WWOX: variants seen among roughly 807,000 people sequenced by gnomAD.
The protein encoded by WWOX is WW domain-containing oxidoreductase.
A neutral mutation model predicts 46.2 loss-of-function variants in WWOX; 69 were observed. The ratio of observed to expected loss-of-function variants is 1.49; its 90% CI spans 1.23 to 1.82. The LOEUF is 1.82. Ranked by LOEUF, WWOX falls within the 40% of genes most tolerant of loss-of-function variation. The pLI, the probability that WWOX is intolerant of heterozygous loss-of-function variation, is 0.00. For missense variants in WWOX, 919 were observed against 542.6 expected (o/e 1.69, Z -6.89); for synonymous variants, 359 against 202.6 (o/e 1.77, Z -6.56).
At chr16:78,854,342 A>T (rs1459059764) in intron 8 of WWOX, among the ~76,000 whole-genome samples, 1 of 152,232 alleles carries the variant, frequency 6.6e-6, no homozygotes, top group Non-Finnish European at 1.5e-5. Context: ...TTGGTTCAGC[A>T]AAATGAAACC....
intron 6 of WWOX, among the ~76,000 whole-genome samples, chr16:78,394,547 A>G (rs960776219): frequency 6.6e-6 from 1 of 152,198 alleles, no homozygotes; most frequent in African/African-American, 2.4e-5. Context: ...TTAGAAAAAT[A>G]TTTCTGAAAT....
At chr16:78,990,324 C>G (rs1002598021) in intron 8 of WWOX, among the ~76,000 whole-genome samples, 1 of 152,130 alleles carries the variant, frequency 6.6e-6, no homozygotes, top group African/African-American at 2.4e-5. Flanking sequence ...AAGTCATGGG[C>G]TCTGCAAGAT....
chr16:78,431,958 C>G (rs1406813892), intron 7 of WWOX, among the ~76,000 whole-genome samples: 1 of 152,140 alleles, frequency 6.6e-6, no homozygotes, highest in Non-Finnish European at 1.5e-5. Flanking sequence ...TCAAGCAATC[C>G]TCCCGCCTCA....
At chr16:78,248,444 T>G (rs146134186) in intron 5 of WWOX, among the ~76,000 whole-genome samples, 1 of 152,104 alleles carries the variant, frequency 6.6e-6, no homozygotes, top group Non-Finnish European at 1.5e-5. Flanking sequence ...GGGATTACAT[T>G]TGGACATGAA....
intron 5 of WWOX, among the ~76,000 whole-genome samples, chr16:78,274,674 T>A (rs1016160739): frequency 6.6e-6 from 1 of 152,176 alleles, no homozygotes; most frequent in Non-Finnish European, 1.5e-5. Flanking sequence ...GTCTTCTGCA[T>A]TGGCTTCAGG....
intron 8 of WWOX, chr16:78,891,231 C>G (rs1032721270): frequency 1.3e-5 from 2 of 152,076 alleles, no homozygotes; most frequent in African/African-American, 2.4e-5. Context: ...ATTTGAATAA[C>G]AATATGTAAT....
chr16:78,243,802 C>T (rs568308273), intron 5 of WWOX, among the ~76,000 whole-genome samples: 13 of 152,344 alleles, frequency 8.5e-5, no homozygotes, highest in African/African-American at 1.2e-4. Context: ...CTGCCTCGGC[C>T]TCCCAAGGTG....
chr16:78,355,482 G>C (rs1474894596), intron 5 of WWOX: 2 of 343,008 alleles, frequency 5.8e-6, no homozygotes, highest in Non-Finnish European at 1.2e-5. Flanking sequence ...GGCACCTGTA[G>C]TCCCAGCTAC....
chr16:78,967,486 C>T (rs967217761), intron 8 of WWOX, among the ~76,000 whole-genome samples: 21 of 112,472 alleles, frequency 1.9e-4, no homozygotes, highest in Non-Finnish European at 3.6e-4. Context: ...TTTTTTCCTG[C>T]TGAGATGGGG....
chr16:78,813,314 C>T (rs78632049), intron 8 of WWOX, among the ~76,000 whole-genome samples: 1,660 of 151,562 alleles, frequency 0.011, 40 homozygotes, highest in East Asian at 0.042. Flanking sequence ...TATAAATATA[C>T]AGCCTTAAAA....
At chr16:79,016,693 G>A (rs191054725) in intron 8 of WWOX, 1 of 152,216 alleles carries the variant, frequency 6.6e-6, no homozygotes, top group South Asian at 2.1e-4. Context: ...AAAGTGCTGG[G>A]ATTACATGCA....
chr16:78,996,104 G>A (rs1034429016), intron 8 of WWOX: 20 of 653,348 alleles, frequency 3.1e-5, no homozygotes, highest in South Asian at 7.0e-5. Context: ...TCAGAACGTG[G>A]CCCCTTCCAT....
chr16:78,762,995 C>T (rs1339489420), intron 8 of WWOX, among the ~76,000 whole-genome samples: 1 of 152,130 alleles, frequency 6.6e-6, no homozygotes, highest in Non-Finnish European at 1.5e-5. Context: ...ACCAGATGAG[C>T]AATAGATCTC....
In WWOX at chr16:79,158,640, C is replaced by T. The variant is rs1291360880; in HGVS notation, c.1057-52968C>T. Among the ~76,000 whole-genome samples the T allele has an allele frequency of 2.6e-5, 4 of 152,222 alleles. No individual in the cohort carries two copies. In the East Asian group the frequency reaches 7.7e-4, roughly 29 times the overall value. On this transcript the variant is annotated intron_variant, in intron 8 of 8. Transcript: ENST00000566780. ...CCCGCCTCAGGGCCTTCACCTTCAGCCTCTCTGTCCCCACCTGCTATCCTC... is the reference window on the plus strand; with the variant it reads ...CCCGCCTCAGGGCCTTCACCTTCAGTCTCTCTGTCCCCACCTGCTATCCTC...
chr16:78,510,099 C>G (rs1287777708), intron 8 of WWOX, among the ~76,000 whole-genome samples: 1 of 151,912 alleles, frequency 6.6e-6, no homozygotes, highest in East Asian at 1.9e-4. Context: ...GTCTGTCTGT[C>G]TCTCTCGGAA....
In WWOX at chr16:78,343,634, C is replaced by A. The variant is rs1225015401; in HGVS notation, c.517-43226C>A. Reference sequence around the variant, plus strand: ...GGATATGGAAACGTGGCTTCATGGACAGTATTTTAGTATATTTCTGTAAAT... The same window carrying A: ...GGATATGGAAACGTGGCTTCATGGAAAGTATTTTAGTATATTTCTGTAAAT... On this transcript the variant is annotated intron_variant, in intron 5 of 8. Coordinates refer to ENST00000566780, the MANE Select transcript of WWOX (RefSeq NM_016373.4). Among the ~76,000 whole-genome samples, 2 of 120,554 alleles carry A rather than the reference C, an allele frequency of 1.7e-5. 1 individual carries two copies. Among genetic ancestry groups the A allele is most frequent in the Non-Finnish European group, 4.0e-5 (2 of 50,492 alleles). 79.1% of individuals were successfully genotyped at this position (120,554 alleles called of 152,430 possible).
intron 8 of WWOX, among the ~76,000 whole-genome samples, chr16:78,910,069 A>G (rs2045068350): frequency 6.6e-6 from 1 of 152,188 alleles, no homozygotes; most frequent in Admixed American, 6.5e-5. Flanking sequence ...TATTTATGTT[A>G]TTATTATCAT....
chr16:79,155,849 C>T (rs904434881), intron 8 of WWOX, among the ~76,000 whole-genome samples: 1 of 150,740 alleles, frequency 6.6e-6, no homozygotes, highest in African/African-American at 2.4e-5. Flanking sequence ...TTATAGAGGA[C>T]TAATACATAT....
At chr16:78,608,396 C>T (rs1403308506) in intron 8 of WWOX, among the ~76,000 whole-genome samples, 1 of 152,214 alleles carries the variant, frequency 6.6e-6, no homozygotes, top group Non-Finnish European at 1.5e-5. Flanking sequence ...CCCCAAATGC[C>T]TGTGCTACAT....
Sources: gnomAD v4.1 joint callset for allele counts (sites outside exome capture counted in the v4.1 genomes callset) on GRCh38, gnomAD v4.1.1 for gene constraint, MANE v1.5 for transcripts, NCBI Gene and HGNC (gene_info 2026-07-23, HGNC 2026-07-21) for gene names.